The following SETD5 variants were observed in gnomAD, a reference collection of about 807,000 sequenced individuals.
The protein encoded by SETD5 is histone-lysine N-methyltransferase SETD5.
Under a neutral mutation model 153.3 loss-of-function variants are expected in SETD5, and 44 were observed. The observed-to-expected ratio is 0.29, with a 90% CI of 0.23 to 0.37. The LOEUF (loss-of-function observed/expected upper bound fraction) is 0.37, where lower values mean the gene tolerates loss of function less well. Ranked by LOEUF, SETD5 falls within the 10% of genes least tolerant of loss-of-function variation. The pLI, the probability that SETD5 is intolerant of heterozygous loss-of-function variation, is 1.00. For synonymous variants in SETD5, 716 were observed against 645.2 expected, an observed-to-expected ratio of 1.11 and a Z score of -1.66; for missense variants, 1,544 against 1,768.0, an observed-to-expected ratio of 0.87 and a Z score of 2.27.
chr3:9,473,205 G>A (rs370190540), intron 19 of SETD5, 31 bp from the exon 20 acceptor site: 34 of 1,599,354 alleles, frequency 2.1e-5, no homozygotes, highest in Non-Finnish European at 2.7e-5. Context: ...ATAGAGTACC[G>A]TTTTTTGTTT....
At chr3:9,456,286 G>A (rs11924980) in intron 17 of SETD5, among the ~76,000 whole-genome samples, 10,258 of 151,854 alleles carry the variant, frequency 0.068, 511 homozygotes, top group Admixed American at 0.12. Flanking sequence ...GACCAGCCTG[G>A]CCAACATGGT....
At chr3:9,417,483 CT>C (rs397874333) in intron 1 of SETD5, among the ~76,000 whole-genome samples, 12,929 of 143,748 alleles carry the variant, frequency 0.09, 1,570 homozygotes, top group African/African-American at 0.28. Flanking sequence ...ATAGATAAGT[CT>C]TTTTTTTTTT....
chr3:9,455,099 C>G (rs1002295090), intron 17 of SETD5, among the ~76,000 whole-genome samples: 3 of 150,176 alleles, frequency 2.0e-5, no homozygotes, highest in African/African-American at 4.9e-5. Context: ...AAAGTTCTTA[C>G]TTCATTTGGA....
intron 1 of SETD5, among the ~76,000 whole-genome samples, chr3:9,406,135 C>T (rs1393610325): frequency 6.6e-6 from 1 of 152,100 alleles, no homozygotes; most frequent in Non-Finnish European, 1.5e-5. Flanking sequence ...ACCAGATTGA[C>T]AGAGAAGACC....
chr3:9,437,940 T>C (rs923145067), intron 7 of SETD5, among the ~76,000 whole-genome samples: 1 of 151,552 alleles, frequency 6.6e-6, no homozygotes, highest in Non-Finnish European at 1.5e-5. Flanking sequence ...GAGGCAGTGG[T>C]TGTAGTGAGC....
At chr3:9,471,699 T>C (rs1006405658) in intron 19 of SETD5, among the ~76,000 whole-genome samples, 2 of 152,180 alleles carry the variant, frequency 1.3e-5, no homozygotes, top group African/African-American at 2.4e-5. Flanking sequence ...GCCAAAAATA[T>C]GCTTTTGTAT....
At chr3:9,437,743 C>G (rs918405380) in intron 7 of SETD5, among the ~76,000 whole-genome samples, 1 of 152,100 alleles carries the variant, frequency 6.6e-6, no homozygotes, top group Non-Finnish European at 1.5e-5. Context: ...TAGCTCACGC[C>G]TGTAATCCTA....
At chr3:9,432,472 A>G (rs1371509948) in intron 3 of SETD5, 2 of 179,384 alleles carry the variant, frequency 1.1e-5, no homozygotes, top group African/African-American at 4.8e-5. Flanking sequence ...CAAGCGAACA[A>G]TATGCATTAT....
intron 1 of SETD5, among the ~76,000 whole-genome samples, chr3:9,422,533 T>C (rs1020282260): frequency 1.3e-5 from 2 of 152,224 alleles, no homozygotes; most frequent in Non-Finnish European, 2.9e-5. Context: ...TAAATTTTCA[T>C]ATTTATGTTA....
At position 9,475,644 on chromosome 3, in the gene SETD5, C is replaced by G. The variant is rs1049832485; in HGVS notation, c.3882C>G (p.Leu1294=). The G allele has an allele frequency of 6.8e-6, 11 of 1,613,908 alleles. No individual in the cohort carries two copies. The highest frequency in any genetic ancestry group is 7.6e-6 in the Non-Finnish European group (9 of 1,179,896). ...CTCACGGTTCTTCAGAATCATCCCTCTCTTCCACGTCCTATTCCAGCCCCG... is the reference window on the plus strand; with the variant it reads ...CTCACGGTTCTTCAGAATCATCCCTGTCTTCCACGTCCTATTCCAGCCCCG... ...PPSHGSSESS[L]SSTSYSSPAH... The change falls in exon 23 of 23, where the codon CTC becomes CTG. Residue 1294 remains leucine, a synonymous_variant. Transcript: ENST00000402198.
At chr3:9,433,343 C>A in intron 3 of SETD5, 1 of 1,281,658 alleles carries the variant, frequency 7.8e-7, no homozygotes, top group Non-Finnish European at 1.0e-6. Flanking sequence ...TATAAGATGC[C>A]ATTGTTTTTA....
intron 1 of SETD5, among the ~76,000 whole-genome samples, chr3:9,410,423 G>C (rs1373998277): frequency 1.3e-5 from 2 of 152,150 alleles, no homozygotes; most frequent in Non-Finnish European, 2.9e-5. Context: ...CCTTAGAATA[G>C]TTCTCTATGG....
At chr3:9,433,629 AC>A in intron 3 of SETD5, 6 of 1,012,280 alleles carry the variant, frequency 5.9e-6, no homozygotes, top group Non-Finnish European at 8.1e-6. Flanking sequence ...ATCTGCCTGT[AC>A]TGGCTTCATG....
intron 14 of SETD5, 104 bp from the exon 15 acceptor site, chr3:9,447,582 T>C (rs2042163638): frequency 4.6e-6 from 6 of 1,291,968 alleles, no homozygotes; most frequent in Admixed American, 2.3e-5. Flanking sequence ...CTAATCCTTA[T>C]ATTTTTCATC....
intron 1 of SETD5, among the ~76,000 whole-genome samples, chr3:9,403,810 A>T (rs2035221285): frequency 1.3e-5 from 2 of 152,242 alleles, no homozygotes; most frequent in South Asian, 4.1e-4. Context: ...AATCATAATG[A>T]AATATTTTGA....
At chr3:9,454,663 GAC>G (rs1450426546) in intron 17 of SETD5, among the ~76,000 whole-genome samples, 1 of 101,082 alleles carries the variant, frequency 9.9e-6, no homozygotes, top group African/African-American at 3.3e-5. Context: ...AATTTTTTAA[GAC>G]AGCTTTAAAT....
At chr3:9,399,205 A>G (rs2034315692) in intron 1 of SETD5, among the ~76,000 whole-genome samples, 1 of 152,216 alleles carries the variant, frequency 6.6e-6, no homozygotes, top group South Asian at 2.1e-4. Flanking sequence ...ACATAGCTAT[A>G]CTTGTGATTG....
chr3:9,418,324 A>G (rs562593544), intron 1 of SETD5, among the ~76,000 whole-genome samples: 28 of 152,322 alleles, frequency 1.8e-4, no homozygotes, highest in Middle Eastern at 6.8e-3. Flanking sequence ...GATGGCTAGC[A>G]TAAGTTTTTT....
Position 9,477,168 on chromosome 3 carries a change from T to TG in SETD5, c.*1080dup, listed in dbSNP as rs2045897868. On this transcript the variant is annotated 3_prime_UTR_variant, in exon 23 of 23. Coordinates refer to ENST00000402198, the MANE Select transcript of SETD5 (RefSeq NM_001080517.3). ...TCTCTGGGGGATGCTTATGTGAGAG[T>TG]GGGCCCAGTGAAAGAGTTACCAAGC... The TG allele has an allele frequency of 6.6e-6, 1 of 152,362 alleles. No individual in the cohort carries two copies. Among genetic ancestry groups the TG allele is most frequent in the South Asian group, 2.1e-4 (1 of 4,798 alleles). The allele number at this position is 152,362 out of a possible 1,614,324, so 9.4% of individuals were successfully genotyped here.
Sources: allele counts gnomAD v4.1 joint callset (sites outside exome capture counted in the v4.1 genomes callset), GRCh38; gene constraint gnomAD v4.1.1; transcripts MANE v1.5; gene names NCBI Gene and HGNC (gene_info 2026-07-23, HGNC 2026-07-21).